ABI3BP: variants seen among roughly 807,000 people sequenced by gnomAD.
The protein encoded by ABI3BP is target of Nesh-SH3.
In ABI3BP, 216 loss-of-function variants were observed where a neutral mutation model predicts 268.6. The ratio of observed to expected loss-of-function variants is 0.80; its 90% CI spans 0.72 to 0.90. The LOEUF (loss-of-function observed/expected upper bound fraction) is 0.90, where lower values mean the gene tolerates loss of function less well. ABI3BP is among the 40% of genes least tolerant of loss of function. ABI3BP has a pLI of 0.00. For synonymous variants in ABI3BP, 730 were observed against 730.0 expected, an observed-to-expected ratio of 1.00 and a Z score of 0.00; for missense variants, 2,090 against 2,182.4, an observed-to-expected ratio of 0.96 and a Z score of 0.84.
rs74783993 is a variant in ABI3BP, at chr3:100,833,090, A to G, written c.2314+35T>C. 2,942 of 1,524,694 alleles carry G rather than the reference A, an allele frequency of 1.9e-3. 55 individuals are homozygous for G. The African/African-American group carries it at 0.036, about 19-fold the overall frequency. The allele number at this position is 1,524,694 out of a possible 1,614,324, so 94.4% of individuals were successfully genotyped here. On this transcript the variant is annotated intron_variant, in intron 30 of 67. Coordinates refer to ENST00000471714, the MANE Select transcript of ABI3BP (RefSeq NM_001375547.2). ...TAGCAAAATCTGACAATGAGTAAGA[A>G]AAAGGACTTGCTGAAGGACATAGAG...
At position 100,851,855 on chromosome 3, in the gene ABI3BP, A is replaced by C. The variant is rs2098843617; in HGVS notation, c.1351+20T>G. 6.4e-7 allele frequency: 1 copy of C among 1,568,898 alleles called. No individual in the cohort carries two copies. On this transcript the variant is annotated intron_variant, in intron 15 of 67. Coordinates refer to ENST00000471714, the MANE Select transcript of ABI3BP (RefSeq NM_001375547.2). The stretch of plus-strand genomic sequence containing the variant: ...TGGAACACCTGGGATCCAAAGACAG[A>C]ATTGAGAGGCCAGATATACCTGTGT...
intron 1 of ABI3BP, among the ~76,000 whole-genome samples, chr3:100,971,211 CA>C (rs1349458877): frequency 1.3e-5 from 2 of 152,112 alleles, no homozygotes; most frequent in African/African-American, 4.8e-5. Flanking sequence ...GACATTTAAA[CA>C]GAAGAGGTGA....
chr3:100,830,199 C>T (rs957660564), intron 32 of ABI3BP, among the ~76,000 whole-genome samples: 2 of 118,512 alleles, frequency 1.7e-5, no homozygotes, highest in Non-Finnish European at 3.5e-5. Context: ...AAATTAAGAT[C>T]TGCAAGAGAA....
intron 59 of ABI3BP, among the ~76,000 whole-genome samples, chr3:100,777,898 A>T (rs1377504631): frequency 6.6e-6 from 1 of 152,224 alleles, no homozygotes; most frequent in Non-Finnish European, 1.5e-5. Flanking sequence ...TCAGTGGGAC[A>T]TATAGAATTT....
chr3:100,802,304 A>T lies in ABI3BP; in HGVS notation c.3757+2488T>A, dbSNP rs554036157. Among the ~76,000 whole-genome samples, 26 of 152,314 alleles carry T rather than the reference A, an allele frequency of 1.7e-4. 1 individual carries two copies. In the South Asian group the frequency reaches 5.2e-3, roughly 30 times the overall value. On this transcript the variant is annotated intron_variant, in intron 51 of 67. Coordinates refer to ENST00000471714, the MANE Select transcript of ABI3BP (RefSeq NM_001375547.2). ...CTTCCTGGTTTGCTCCTGATGACTGAAACCTATCCCAATGCCTGGGGGTCA... is the reference window on the plus strand; with the variant it reads ...CTTCCTGGTTTGCTCCTGATGACTGTAACCTATCCCAATGCCTGGGGGTCA...
intron 1 of ABI3BP, among the ~76,000 whole-genome samples, chr3:100,983,356 C>T (rs2090466431): frequency 6.6e-6 from 1 of 152,060 alleles, no homozygotes; most frequent in African/African-American, 2.4e-5. Context: ...TATAAATGTG[C>T]ACAATTAAAG....
chr3:100,830,159 ATATAT>A (rs2098466977), intron 32 of ABI3BP, among the ~76,000 whole-genome samples: 2 of 103,478 alleles, frequency 1.9e-5, no homozygotes, highest in African/African-American at 3.6e-5. Flanking sequence ...ATATATATAT[ATATAT>A]AAAATGCAGA....
chr3:100,796,364 TG>T (rs2097346072), intron 52 of ABI3BP, 44 bp downstream of exon 52: 1 of 1,442,572 alleles, frequency 6.9e-7, no homozygotes, highest in Non-Finnish European at 9.3e-7. Context: ...TTTTTTTTTT[TG>T]AAAAATATAC....
intron 39 of ABI3BP, 100 bp from the exon 40 acceptor site, chr3:100,820,403 C>T: frequency 2.2e-6 from 2 of 912,484 alleles, no homozygotes; most frequent in Non-Finnish European, 3.1e-6. Flanking sequence ...ACTAGATTTT[C>T]TCATATTTCA....
In ABI3BP at chr3:100,750,254, G is replaced by A. The variant is rs756831212; in HGVS notation, c.*241C>T. The stretch of plus-strand genomic sequence containing the variant: ...GATCTCTTAAAATACCATGAATAGG[G>A]AGCCAGCTTCCCCAAAAATGTTATT... On this transcript the variant is annotated 3_prime_UTR_variant, in exon 68 of 68. Transcript: ENST00000471714. 3.3e-5 allele frequency: 12 copies of A among 358,308 alleles called. No individual in the cohort carries two copies. The highest frequency in any genetic ancestry group is 5.0e-5 in the Non-Finnish European group (10 of 199,732). 22.2% of individuals were successfully genotyped at this position (358,308 alleles called of 1,614,324 possible). A position where few individuals can be genotyped will look rare whatever the true frequency, so the allele number is the denominator to read the frequency against.
rs1201654243 is a variant in ABI3BP at position 100,945,666 on chromosome 3, C to T, written c.80-19185G>A. 3 of 441,536 alleles carry T rather than the reference C, an allele frequency of 6.8e-6. No individual in the cohort carries two copies. The Admixed American group carries it at 7.4e-5, about 11-fold the overall frequency. The allele number at this position is 441,536 out of a possible 1,614,324, so 27.4% of individuals were successfully genotyped here. A position where few individuals can be genotyped will look rare whatever the true frequency, so the allele number is the denominator to read the frequency against. ...ATCCATGCTGTATCACTAGTTCAGT[C>T]CTTTTATTTGCTAAATAGAATTTTA... On this transcript the variant is annotated intron_variant, in intron 1 of 67. Coordinates refer to ENST00000471714, the MANE Select transcript of ABI3BP (RefSeq NM_001375547.2).
intron 61 of ABI3BP, 120 bp from the exon 62 acceptor site, chr3:100,771,072 C>A: frequency 2.3e-6 from 2 of 882,248 alleles, no homozygotes; most frequent in Non-Finnish European, 3.2e-6. Context: ...TGGTTGAAAG[C>A]CATGATGTGG....
At chr3:100,789,404 A>T in intron 56 of ABI3BP, 50 bp downstream of exon 56, 1 of 1,551,864 alleles carries the variant, frequency 6.4e-7, no homozygotes, top group Non-Finnish European at 8.8e-7. Flanking sequence ...AGTCCATTTC[A>T]TATCTTCCCC....
chr3:100,824,990 T>C, intron 35 of ABI3BP, 49 bp from the exon 36 acceptor site: 1 of 1,464,230 alleles, frequency 6.8e-7, no homozygotes, highest in Non-Finnish European at 9.2e-7. Context: ...TGATTCTGGA[T>C]ACTGAGGAAA....
intron 26 of ABI3BP, among the ~76,000 whole-genome samples, chr3:100,837,766 A>G (rs1371276714): frequency 2.6e-5 from 4 of 152,180 alleles, no homozygotes; most frequent in African/African-American, 4.8e-5. Context: ...AAATAAATAA[A>G]TAAATAGAAT....
intron 63 of ABI3BP, among the ~76,000 whole-genome samples, chr3:100,756,709 T>C (rs1333423447): frequency 6.6e-6 from 1 of 152,100 alleles, no homozygotes; most frequent in Non-Finnish European, 1.5e-5. Flanking sequence ...TCCATGTCTT[T>C]TTATTTCACA....
Position 100,812,505 on chromosome 3 carries a change from G to A in ABI3BP, c.3383C>T (p.Ser1128Leu), listed in dbSNP as rs766384343. Residue 1128 changes from serine (S) to leucine (L), a missense_variant, in exon 46 of 68, where the codon TCG becomes TTG. Ser to Leu is a moderately radical substitution (Grantham distance 145, BLOSUM62 -2). Coordinates refer to ENST00000471714, the MANE Select transcript of ABI3BP (RefSeq NM_001375547.2). ...TGGTGACTCAGTACTAAGTGTAACC[G>A]ATTCCAGAACATCAGAAACTAGTAA... ...ESQPVSDVLE[S>L]VTLSTESPKE... 5.3e-6 allele frequency: 7 copies of A among 1,329,954 alleles called. No homozygotes were observed. The highest frequency in any genetic ancestry group is 1.9e-4 in the Middle Eastern group (1 of 5,252). 82.4% of individuals were successfully genotyped at this position (1,329,954 alleles called of 1,614,324 possible).
intron 1 of ABI3BP, among the ~76,000 whole-genome samples, chr3:100,929,510 G>T (rs1041216284): frequency 6.6e-6 from 1 of 151,822 alleles, no homozygotes; most frequent in African/African-American, 2.4e-5. Flanking sequence ...CTACTCTCTC[G>T]AGCTAAATTT....
chr3:100,910,866 T>C (rs2056136407), intron 2 of ABI3BP: 1 of 153,216 alleles, frequency 6.5e-6, no homozygotes, highest in African/African-American at 2.4e-5. Flanking sequence ...TTTATCTGTA[T>C]TAGTGCAAGT....
Sources: gnomAD v4.1 joint callset for allele counts (sites outside exome capture counted in the v4.1 genomes callset) on GRCh38, gnomAD v4.1.1 for gene constraint, MANE v1.5 for transcripts, NCBI Gene and HGNC (gene_info 2026-07-23, HGNC 2026-07-21) for gene names.